Variants in NDST3 observed in about 807,000 individuals in gnomAD.
The protein encoded by NDST3 is bifunctional heparan sulfate N-deacetylase/N-sulfotransferase 3.
A neutral mutation model predicts 96.1 loss-of-function variants in NDST3; 58 were observed. The ratio of observed to expected loss-of-function variants is 0.60; its 90% CI spans 0.49 to 0.75. NDST3 has a LOEUF of 0.75. Among genes scored for constraint, NDST3 ranks in the 30% least tolerant of loss-of-function variants. The probability of loss-of-function intolerance (pLI) is 0.00; values close to 1 mark genes in which losing one functional copy is unlikely to be tolerated. For synonymous variants in NDST3, 333 were observed against 359.7 expected (o/e 0.93, Z 0.84); for missense variants, 788 against 1,034.2 (o/e 0.76, Z 3.27).
chr4:118,054,976 T>TA, intron 2 of NDST3, 85 bp downstream of exon 2: 1 of 1,547,964 alleles, frequency 6.5e-7, no homozygotes, highest in Non-Finnish European at 8.8e-7. Flanking sequence ...ACAACTGGGT[T>TA]ACCCAGGACA....
intron 2 of NDST3, among the ~76,000 whole-genome samples, chr4:118,059,489 T>C (rs986892048): frequency 2.6e-5 from 4 of 151,936 alleles, no homozygotes; most frequent in African/African-American, 9.7e-5. Context: ...AAAATAGAAG[T>C]GGGAAGCTAG....
At chr4:118,060,448 C>T (rs564277629) in intron 2 of NDST3, among the ~76,000 whole-genome samples, 1 of 152,114 alleles carries the variant, frequency 6.6e-6, no homozygotes, top group South Asian at 2.1e-4. Flanking sequence ...CCTGTCTTTG[C>T]ACTGTAAATT....
chr4:118,184,572 T>C (rs1736805607), intron 6 of NDST3, among the ~76,000 whole-genome samples: 1 of 149,692 alleles, frequency 6.7e-6, no homozygotes, highest in African/African-American at 2.5e-5. Flanking sequence ...TCATTTTCTC[T>C]CTGTCTCCCT....
intron 2 of NDST3, among the ~76,000 whole-genome samples, chr4:118,090,401 T>A (rs1017542143): frequency 5.3e-5 from 8 of 151,986 alleles, no homozygotes; most frequent in South Asian, 2.1e-4. Context: ...GATTGCCCCA[T>A]CCTATCAATG....
chr4:118,246,371 C>T (rs1189721995), intron 12 of NDST3, among the ~76,000 whole-genome samples: 2 of 152,074 alleles, frequency 1.3e-5, no homozygotes, highest in Admixed American at 6.6e-5. Flanking sequence ...TTTGCAAGGC[C>T]GTGGCAGATG....
chr4:118,135,050 A>T (rs1263816190), intron 4 of NDST3, among the ~76,000 whole-genome samples: 1 of 152,242 alleles, frequency 6.6e-6, no homozygotes, highest in African/African-American at 2.4e-5. Context: ...TGCCTTCCGG[A>T]TCACACTACC....
At chr4:118,245,684 G>A (rs1741268992) in intron 12 of NDST3, among the ~76,000 whole-genome samples, 1 of 152,060 alleles carries the variant, frequency 6.6e-6, no homozygotes, top group Non-Finnish European at 1.5e-5. Context: ...ACCTAGAAAT[G>A]CTGAGTAGGG....
chr4:118,149,846 G>C (rs1320282909), intron 6 of NDST3, among the ~76,000 whole-genome samples: 1 of 152,168 alleles, frequency 6.6e-6, no homozygotes, highest in Non-Finnish European at 1.5e-5. Flanking sequence ...TTTTTAAAGG[G>C]AATGCTTCCA....
intron 6 of NDST3, among the ~76,000 whole-genome samples, chr4:118,146,762 G>A (rs889639118): frequency 1.3e-5 from 2 of 152,184 alleles, no homozygotes; most frequent in African/African-American, 2.4e-5. Context: ...CAACTCTCAC[G>A]TAAGCTGGAT....
At chr4:118,177,271 G>A (rs889938228) in intron 6 of NDST3, among the ~76,000 whole-genome samples, 11 of 151,980 alleles carry the variant, frequency 7.2e-5, no homozygotes, top group African/African-American at 2.4e-4. Flanking sequence ...GATAAAGACA[G>A]CTTAGGAAGG....
chr4:118,071,377 C>T (rs1727058784), intron 2 of NDST3, among the ~76,000 whole-genome samples: 1 of 151,980 alleles, frequency 6.6e-6, no homozygotes, highest in African/African-American at 2.4e-5. Flanking sequence ...AAGCATAATA[C>T]CCAATAGTTA....
chr4:118,066,119 AT>A lies in NDST3; in HGVS notation c.981+11230del, dbSNP rs1157537889. Among the ~76,000 whole-genome samples, 231 of 79,220 alleles carry A rather than the reference AT, an allele frequency of 2.9e-3. 3 individuals are homozygous for A. Among genetic ancestry groups the A allele is most frequent in the African/African-American group, 0.011 (227 of 20,370 alleles). 52.0% of individuals were successfully genotyped at this position (79,220 alleles called of 152,430 possible). On this transcript the variant is annotated intron_variant, in intron 2 of 13. Transcript: ENST00000296499. ...ATATATTATATAATATATTTTATAT[AT>A]TATATATATTATATAATATATTTTA... is the stretch of plus-strand genomic sequence containing the variant.
chr4:118,150,536 A>T (rs1734317982), intron 6 of NDST3, among the ~76,000 whole-genome samples: 1 of 151,510 alleles, frequency 6.6e-6, no homozygotes, highest in Non-Finnish European at 1.5e-5. Flanking sequence ...AAACAAATTT[A>T]CAAGAAAAAA....
chr4:118,197,348 T>C (rs1444947988), intron 6 of NDST3, among the ~76,000 whole-genome samples: 2 of 152,120 alleles, frequency 1.3e-5, no homozygotes, highest in South Asian at 2.1e-4. Context: ...TAACTATCTA[T>C]TAGATGTTTC....
chr4:118,224,688 A>G lies in NDST3; in HGVS notation c.1722+15A>G. The G allele has an allele frequency of 1.3e-6, 2 of 1,559,856 alleles. No individual in the cohort carries two copies. Among genetic ancestry groups the G allele is most frequent in the Middle Eastern group, 1.7e-4 (1 of 5,842 alleles). On this transcript the variant is annotated intron_variant, in intron 7 of 13. Transcript: ENST00000296499. The stretch of plus-strand genomic sequence containing the variant: ...CTCTCTGGCAGGTAAAATTAATTAA[A>G]TAATTGATATAACCAGTTAATTCCA...
chr4:118,087,935 A>C (rs1304470325), intron 2 of NDST3, among the ~76,000 whole-genome samples: 1 of 152,088 alleles, frequency 6.6e-6, no homozygotes, highest in African/African-American at 2.4e-5. Context: ...ATTGGAGACT[A>C]TCTCTCATAA....
At chr4:118,173,335 G>T (rs1266597143) in intron 6 of NDST3, among the ~76,000 whole-genome samples, 1 of 152,082 alleles carries the variant, frequency 6.6e-6, no homozygotes, top group African/African-American at 2.4e-5. Context: ...CTGTCATTGT[G>T]CTTTGTTGAT....
chr4:118,083,591 G>T (rs1450295556), intron 2 of NDST3, among the ~76,000 whole-genome samples: 3 of 152,136 alleles, frequency 2.0e-5, no homozygotes, highest in Admixed American at 1.3e-4. Context: ...GGGAGTGCTG[G>T]TTTGCCTTTT....
intron 2 of NDST3, among the ~76,000 whole-genome samples, chr4:118,077,833 T>A (rs533916861): frequency 6.6e-6 from 1 of 152,328 alleles, no homozygotes; most frequent in South Asian, 2.1e-4. Context: ...GGGATTGTGC[T>A]TGCCTGCCGA....
Sources: gnomAD v4.1 joint callset for allele counts (sites outside exome capture counted in the v4.1 genomes callset) on GRCh38, gnomAD v4.1.1 for gene constraint, MANE v1.5 for transcripts, NCBI Gene and HGNC (gene_info 2026-07-23, HGNC 2026-07-21) for gene names.